The following FGF13 variants were observed in gnomAD, a reference collection of about 807,000 sequenced individuals.
The protein encoded by FGF13 is fibroblast growth factor homologous factor 2.
Under a neutral mutation model 19.5 loss-of-function variants are expected in FGF13, and 2 were observed. The observed-to-expected ratio is 0.10, with a 90% CI of 0.04 to 0.32. The LOEUF (loss-of-function observed/expected upper bound fraction) is 0.32, where lower values mean the gene tolerates loss of function less well. Among genes scored for constraint, FGF13 ranks in the 10% least tolerant of loss-of-function variants. The probability of loss-of-function intolerance (pLI) is 1.00; values close to 1 mark genes in which losing one functional copy is unlikely to be tolerated. For synonymous variants in FGF13, 72 were observed against 76.9 expected, an observed-to-expected ratio of 0.94 and a Z score of 0.33; for missense variants, 113 against 192.7, an observed-to-expected ratio of 0.59 and a Z score of 2.45.
At chrX:139,118,945 G>A (rs1220271103) in intron 1 of FGF13, among the ~76,000 whole-genome samples, 2 of 111,535 alleles carry the variant, frequency 1.8e-5, no homozygotes, top group East Asian at 5.6e-4. Flanking sequence ...AGGATCCCTT[G>A]AAGCCAGAAG....
At chrX:139,032,440 C>G (rs2092230852) in intron 1 of FGF13, among the ~76,000 whole-genome samples, 1 of 111,535 alleles carries the variant, frequency 9.0e-6, no homozygotes, top group African/African-American at 3.3e-5. Flanking sequence ...AGGATGGTCA[C>G]TGAGAACCCA....
At chrX:139,057,319 G>GAAAAAAAAAAACA (rs1339975270) in intron 1 of FGF13, among the ~76,000 whole-genome samples, 2 of 98,954 alleles carry the variant, frequency 2.0e-5, no homozygotes, top group Non-Finnish European at 4.1e-5. Context: ...CTGTCAAGAA[G>GAAAAAAAAAAACA]AAAAAAAAAA....
At chrX:139,016,856 A>T (rs773422926) in intron 1 of FGF13, among the ~76,000 whole-genome samples, 5 of 110,937 alleles carry the variant, frequency 4.5e-5, no homozygotes, top group African/African-American at 1.6e-4. Flanking sequence ...CTCATTTCCT[A>T]ATTTATTTTC....
chrX:138,820,232 T>C (rs904528087), intron 3 of FGF13, among the ~76,000 whole-genome samples: 1 of 112,192 alleles, frequency 8.9e-6, no homozygotes, highest in Non-Finnish European at 1.9e-5. Context: ...ATTCCTGTCC[T>C]CAAATAACTT....
chrX:138,987,017 C>T (rs747743745), intron 1 of FGF13, among the ~76,000 whole-genome samples: 4 of 111,830 alleles, frequency 3.6e-5, no homozygotes, highest in Non-Finnish European at 5.6e-5. Context: ...AGAAAGAAGA[C>T]TGACATAGCT....
intron 3 of FGF13, among the ~76,000 whole-genome samples, chrX:138,838,347 C>T (rs2091126926): frequency 8.9e-6 from 1 of 111,834 alleles, no homozygotes; most frequent in Admixed American, 9.5e-5. Context: ...ATCTAAAGCT[C>T]CTGGGTCTCC....
At chrX:139,123,969 A>G (rs956700204) in intron 1 of FGF13, among the ~76,000 whole-genome samples, 2 of 112,266 alleles carry the variant, frequency 1.8e-5, no homozygotes, top group Non-Finnish European at 1.9e-5. Flanking sequence ...TGTTGCCTAT[A>G]TACGAGTAGG....
chrX:138,750,168 C>T (rs2090387648), intron 3 of FGF13, among the ~76,000 whole-genome samples: 1 of 111,169 alleles, frequency 9.0e-6, no homozygotes. Context: ...TATTCTAGGG[C>T]TTCTGATTGG....
chrX:139,123,305 C>T (rs899323610), intron 1 of FGF13, among the ~76,000 whole-genome samples: 2 of 111,764 alleles, frequency 1.8e-5, no homozygotes, highest in African/African-American at 3.3e-5. Flanking sequence ...AAAATGCTCG[C>T]GTTCTTACCA....
chrX:138,691,744 G>C (rs2089840602), intron 3 of FGF13, among the ~76,000 whole-genome samples: 1 of 111,638 alleles, frequency 9.0e-6, no homozygotes, highest in Admixed American at 9.6e-5. Flanking sequence ...TTAAAAGGAG[G>C]TGTTATATAT....
intron 1 of FGF13, among the ~76,000 whole-genome samples, chrX:138,919,018 G>A (rs2091631621): frequency 9.0e-6 from 1 of 111,442 alleles, no homozygotes; most frequent in Non-Finnish European, 1.9e-5. Flanking sequence ...AGAGCAAAGA[G>A]GCTGTTTGGT....
intron 1 of FGF13, among the ~76,000 whole-genome samples, chrX:139,104,299 T>C (rs1478682329): frequency 9.1e-6 from 1 of 110,346 alleles, no homozygotes; most frequent in Admixed American, 9.7e-5. Context: ...CTTCTTGTCA[T>C]TGTCATTGGA....
At chrX:138,710,594 C>T (rs1019644460) in intron 1 of FGF13, among the ~76,000 whole-genome samples, 1 of 112,502 alleles carries the variant, frequency 8.9e-6, no homozygotes, top group African/African-American at 3.2e-5. Context: ...GCAGAGTATG[C>T]CCCCAGGCTC....
chrX:138,824,253 C>G (rs1169328101), intron 3 of FGF13, among the ~76,000 whole-genome samples: 1 of 112,075 alleles, frequency 8.9e-6, no homozygotes, highest in African/African-American at 3.2e-5. Context: ...GGGAATTCCC[C>G]TGGACTTTCA....
At chrX:138,724,137 A>G (rs1335475832) in intron 1 of FGF13, among the ~76,000 whole-genome samples, 1 of 112,112 alleles carries the variant, frequency 8.9e-6, no homozygotes, top group Non-Finnish European at 1.9e-5. Context: ...GAAGACAGAA[A>G]TAAGACAAAG....
chrX:138,780,335 G>A (rs1182625705), intron 3 of FGF13, among the ~76,000 whole-genome samples: 1 of 97,135 alleles, frequency 1.0e-5, no homozygotes, highest in Admixed American at 1.1e-4. Flanking sequence ...AAATGTAAAT[G>A]GACTAAATGC....
At chrX:139,038,008 T>G (rs913129191) in intron 1 of FGF13, among the ~76,000 whole-genome samples, 1 of 111,362 alleles carries the variant, frequency 9.0e-6, no homozygotes, top group African/African-American at 3.3e-5. Context: ...GGCTTCCACT[T>G]GAGTATGCCC....
At position 138,651,739 on chromosome X, in the gene FGF13, C is replaced by T. The variant is rs145125426; in HGVS notation, c.403-16084G>A. ...GGGCTGAGCTAATTATACTTTCTTG[C>T]CAATTCCATTCTGACCTACAGAGCA... On this transcript the variant is annotated intron_variant, in intron 3 of 4. Coordinates refer to ENST00000315930, the MANE Select transcript of FGF13 (RefSeq NM_004114.5). 8.3e-3 allele frequency among the ~76,000 whole-genome samples: 931 copies of T among 111,526 alleles called. 11 individuals are homozygous for T. Among genetic ancestry groups the T allele is most frequent in the South Asian group, 0.055 (145 of 2,643 alleles).
chrX:138,648,455 C>G (rs1330970871), intron 3 of FGF13, among the ~76,000 whole-genome samples: 1 of 110,659 alleles, frequency 9.0e-6, no homozygotes, highest in Non-Finnish European at 1.9e-5. Context: ...AGAAATAAGT[C>G]CAGGATGAAA....
Sources: allele counts gnomAD v4.1 joint callset (sites outside exome capture counted in the v4.1 genomes callset), GRCh38; gene constraint gnomAD v4.1.1; transcripts MANE v1.5; gene names NCBI Gene and HGNC (gene_info 2026-07-23, HGNC 2026-07-21).